The following ASCC2 variants were observed in gnomAD, a reference collection of about 807,000 sequenced individuals.
The protein encoded by ASCC2 is activating signal cointegrator 1 complex subunit 2.
Under a neutral mutation model 93.5 loss-of-function variants are expected in ASCC2, and 42 were observed. The ratio of observed to expected loss-of-function variants is 0.45; its 90% CI spans 0.35 to 0.58. The LOEUF (loss-of-function observed/expected upper bound fraction) is 0.58. Ranked by LOEUF, ASCC2 falls within the 20% of genes least tolerant of loss-of-function variation. The probability of loss-of-function intolerance (pLI) is 0.00; values close to 1 mark genes in which losing one functional copy is unlikely to be tolerated. For missense variants in ASCC2, 859 were observed against 977.6 expected (o/e 0.88, Z 1.62); for synonymous variants, 364 against 384.2 (o/e 0.95, Z 0.62).
chr22:29,834,533 C>T (rs2063536295), intron 1 of ASCC2: 1 of 470,932 alleles, frequency 2.1e-6, no homozygotes, highest in Admixed American at 2.4e-5. Context: ...CACATGGTCT[C>T]TGCATACACG....
chr22:29,828,113 A>G (rs781143665), intron 2 of ASCC2, among the ~76,000 whole-genome samples: 2 of 152,254 alleles, frequency 1.3e-5, no homozygotes, highest in Admixed American at 6.5e-5. Flanking sequence ...GGGAATTAAT[A>G]GCACCTGGAG....
At chr22:29,798,994 G>T (rs1054521573) in intron 15 of ASCC2, among the ~76,000 whole-genome samples, 7 of 152,252 alleles carry the variant, frequency 4.6e-5, no homozygotes, top group African/African-American at 1.2e-4. Flanking sequence ...AGGGCACAGT[G>T]TTCCAGAAAC....
chr22:29,794,819 T>C (rs1331447026), intron 15 of ASCC2, among the ~76,000 whole-genome samples: 1 of 152,228 alleles, frequency 6.6e-6, no homozygotes, highest in Admixed American at 6.5e-5. Context: ...GCGTACAGTA[T>C]GATCCCAAAA....
chr22:29,802,829 T>TAGG lies in ASCC2; in HGVS notation c.1354-624_1354-622dup, dbSNP rs2059250258. ...GCATGCGCCTGTGGTCCCAGCTACT[T>TAGG]AGGAGGCTGAGGTGGGAGGATTACT... is the stretch of plus-strand genomic sequence containing the variant. On this transcript the variant is annotated intron_variant, in intron 13 of 19. Transcript: ENST00000307790. Among the ~76,000 whole-genome samples the TAGG allele has an allele frequency of 2.0e-5, 3 of 151,754 alleles. No individual in the cohort carries two copies. In the South Asian group the frequency reaches 6.2e-4, roughly 32 times the overall value.
chr22:29,805,481 CAG>C (rs1970062111), intron 12 of ASCC2, among the ~76,000 whole-genome samples: 1 of 152,184 alleles, frequency 6.6e-6, no homozygotes, highest in African/African-American at 2.4e-5. Context: ...CTGGGCCAGA[CAG>C]AGCTTTTCCA....
rs367742263 is a variant in ASCC2, at chr22:29,825,282, G to A, written c.241-25C>T. On this transcript the variant is annotated intron_variant, in intron 3 of 19. Transcript: ENST00000307790. This position sits in a 1 kb window ranked among gnomAD's most constrained non-coding sequence, Gnocchi z 4.9. Reference sequence around the variant, plus strand: ...CCTAAACCAGGAGACAGAGGAGAGCGAGGATTTATCCCTTAGGCCCCAGGG... The same window carrying A: ...CCTAAACCAGGAGACAGAGGAGAGCAAGGATTTATCCCTTAGGCCCCAGGG... The A allele has an allele frequency of 1.5e-5, 23 of 1,506,842 alleles. No individual in the cohort carries two copies. The highest frequency in any genetic ancestry group is 1.3e-4 in the African/African-American group (9 of 71,244). The allele number at this position is 1,506,842 out of a possible 1,614,324, so 93.3% of individuals were successfully genotyped here.
chr22:29,827,899 G>GACACACACACACAC (rs5844872), intron 2 of ASCC2, among the ~76,000 whole-genome samples: 3 of 40,000 alleles, frequency 7.5e-5, no homozygotes, highest in Admixed American at 2.5e-4. Context: ...TCATTCTTCT[G>GACACACACACACAC]ACACACACAC....
At chr22:29,796,994 C>T (rs745637365) in intron 15 of ASCC2, among the ~76,000 whole-genome samples, 3 of 152,164 alleles carry the variant, frequency 2.0e-5, no homozygotes, top group Non-Finnish European at 4.4e-5. Flanking sequence ...GCTCCACCCA[C>T]CCTAGCTATG....
At position 29,801,094 on chromosome 22, in the gene ASCC2, G is replaced by A. The variant is rs141861525; in HGVS notation, c.1585C>T (p.Pro529Ser). 292 of 1,600,952 alleles carry A rather than the reference G, an allele frequency of 1.8e-4. 2 individuals carry two copies. Among genetic ancestry groups the A allele is most frequent in the Admixed American group, 2.2e-4 (13 of 59,742 alleles). ...RNLDREMKPD[P>S]TPLLTSRHNV... is the part of the protein sequence containing the mutation. ...TGGCGAGACGTCAGCAGGGGTGTAGGGTCTGGTTTCATTTCTCTGGGTGGG... is the reference window on the plus strand; with the variant it reads ...TGGCGAGACGTCAGCAGGGGTGTAGAGTCTGGTTTCATTTCTCTGGGTGGG... The change falls in exon 15 of 20, where the codon CCT becomes TCT. Residue 529 changes from proline (P) to serine (S), a missense_variant. Coordinates refer to ENST00000307790, the MANE Select transcript of ASCC2 (RefSeq NM_032204.5).
At position 29,806,261 on chromosome 22, in the gene ASCC2, G is replaced by C; in HGVS notation, c.1115C>G (p.Pro372Arg). 6.2e-7 allele frequency: 1 copy of C among 1,614,150 alleles called. No homozygotes were observed. Residue 372 changes from proline (P) to arginine (R), a missense_variant, in exon 12 of 20, where the codon CCC becomes CGC. By Grantham distance (103) the Pro-to-Arg change is moderately radical (BLOSUM62 -2). Coordinates refer to ENST00000307790, the MANE Select transcript of ASCC2 (RefSeq NM_032204.5). ...CAGCAAGCTGATGTCTTCGGCCACG[G>C]GGAAGAGTGCATCATAGTCCCGGAG... ...RFLRDYDALF[P>R]VAEDISLLQQ...
intron 9 of ASCC2, among the ~76,000 whole-genome samples, chr22:29,807,280 G>GAAA (rs760379743): frequency 2.5e-5 from 3 of 119,044 alleles, no homozygotes; most frequent in Non-Finnish European, 3.7e-5. Context: ...AAAAGAAAAA[G>GAAA]AAAAAAAGGC....
chr22:29,792,646 G>A, intron 17 of ASCC2, 111 bp from the exon 18 acceptor site: 2 of 1,455,178 alleles, frequency 1.4e-6, no homozygotes, highest in Non-Finnish European at 1.9e-6. Flanking sequence ...GGGCTCAGGA[G>A]GTTGGGAAAA....
At chr22:29,812,909 T>C (rs909687128) in intron 8 of ASCC2, among the ~76,000 whole-genome samples, 1 of 149,440 alleles carries the variant, frequency 6.7e-6, no homozygotes, top group African/African-American at 2.5e-5. Flanking sequence ...TTAGATGGAG[T>C]CTTGCTCTGT....
At chr22:29,806,691 A>G (rs188031935) in intron 10 of ASCC2, 106 bp downstream of exon 10, 21 of 1,419,762 alleles carry the variant, frequency 1.5e-5, no homozygotes, top group Admixed American at 3.7e-5. Context: ...ATCTCTGTTC[A>G]GCCAACCCCA....
rs562761560 is a variant in ASCC2 at position 29,807,496 on chromosome 22, T to C, written c.909-592A>G. 2.8e-4 allele frequency among the ~76,000 whole-genome samples: 42 copies of C among 152,194 alleles called. 2 individuals carry two copies. The South Asian group carries it at 8.3e-3, about 30-fold the overall frequency. ...GTAACAGCTGAGGGAAGGGCTTCAA[T>C]GCAGGGCCCAGCCATCATGGTATTT... On this transcript the variant is annotated intron_variant, in intron 9 of 19. Coordinates refer to ENST00000307790, the MANE Select transcript of ASCC2 (RefSeq NM_032204.5).
chr22:29,799,638 G>A (rs1366146561), intron 15 of ASCC2, among the ~76,000 whole-genome samples: 1 of 152,206 alleles, frequency 6.6e-6, no homozygotes, highest in Non-Finnish European at 1.5e-5. Context: ...TACTTGTAAA[G>A]AAGTCCCCTG....
intron 2 of ASCC2, chr22:29,827,328 G>C (rs1398408795): frequency 4.2e-6 from 1 of 240,778 alleles, no homozygotes; most frequent in Non-Finnish European, 8.5e-6. Flanking sequence ...TGGGGAAGTG[G>C]TAGCAGGAGG....
intron 8 of ASCC2, chr22:29,810,313 C>T (rs2060139712): frequency 6.6e-6 from 1 of 152,232 alleles, no homozygotes; most frequent in South Asian, 2.1e-4. Flanking sequence ...TTCCCCCAAA[C>T]ATCTTAAGCT....
chr22:29,806,586 G>C, intron 10 of ASCC2, 33 bp from the exon 11 acceptor site: 2 of 1,586,458 alleles, frequency 1.3e-6, no homozygotes, highest in Non-Finnish European at 1.7e-6. Context: ...ATGAGCTCAT[G>C]CAATGCAAGA....
Sources: allele counts gnomAD v4.1 joint callset (sites outside exome capture counted in the v4.1 genomes callset), GRCh38; gene constraint gnomAD v4.1.1; non-coding constraint Gnocchi (gnomAD v3.1); transcripts MANE v1.5; gene names NCBI Gene and HGNC (gene_info 2026-07-23, HGNC 2026-07-21).